The following ORC3 variants were observed in gnomAD, a reference collection of about 807,000 sequenced individuals.
ORC3 encodes the protein origin recognition complex subunit 3.
In ORC3, 78 loss-of-function variants were observed where a neutral mutation model predicts 100.7. That is an observed-to-expected ratio of 0.77 (90% confidence interval 0.65 to 0.94). ORC3 has a LOEUF of 0.94. Ranked by LOEUF, ORC3 falls within the 40% of genes least tolerant of loss-of-function variation. The pLI is 0.00. For missense variants in ORC3, 789 were observed against 823.9 expected (o/e 0.96, Z 0.52); for synonymous variants, 295 against 289.3 (o/e 1.02, Z -0.20).
downstream of ORC3, among the ~76,000 whole-genome samples, chr6:87,669,720 C>T (rs1582107283): frequency 6.6e-6 from 1 of 152,220 alleles, no homozygotes; most frequent in East Asian, 1.9e-4. Context: ...CTAGTCTTGC[C>T]TCCAACCATG....
Position 87,609,200 on chromosome 6 carries a change from A to G in ORC3, c.684A>G (p.Lys228=). ...ILKDMESFAT[K]VLQDFIIISS... Reference sequence around the variant, plus strand: ...AGGATATGGAAAGCTTTGCCACAAAAGTACTACAAGACTTCATAATTATCA... The same window carrying G: ...AGGATATGGAAAGCTTTGCCACAAAGGTACTACAAGACTTCATAATTATCA... The change falls in exon 7 of 20, where the codon AAA becomes AAG. Residue 228 remains lysine, a synonymous_variant. Coordinates refer to ENST00000392844, the MANE Select transcript of ORC3 (RefSeq NM_012381.4). The G allele has an allele frequency of 6.2e-7, 1 of 1,608,482 alleles. No individual in the cohort carries two copies.
At chr6:87,603,349 T>A in intron 3 of ORC3, 35 bp from the exon 4 acceptor site, 1 of 1,153,818 alleles carries the variant, frequency 8.7e-7, no homozygotes, top group Non-Finnish European at 1.2e-6. Flanking sequence ...GATTATTATT[T>A]CTAATAATAA....
chr6:87,666,280 T>C (rs189848318), intron 19 of ORC3, among the ~76,000 whole-genome samples: 3,504 of 151,882 alleles, frequency 0.023, 123 homozygotes, highest in African/African-American at 0.078. Context: ...TACAGGTGCC[T>C]GCCACCAAGC....
chr6:87,630,109 A>G (rs181979755), intron 11 of ORC3, among the ~76,000 whole-genome samples: 51 of 152,328 alleles, frequency 3.3e-4, no homozygotes, highest in Middle Eastern at 6.8e-3. Context: ...ACATCCAGCA[A>G]GACAAAATAT....
At chr6:87,633,256 GTAAT>G (rs1392973796) in intron 11 of ORC3, among the ~76,000 whole-genome samples, 1 of 152,122 alleles carries the variant, frequency 6.6e-6, no homozygotes, top group Non-Finnish European at 1.5e-5. Flanking sequence ...ACACATCAAG[GTAAT>G]TAATGGCTTT....
At chr6:87,602,972 C>CACATATATTTTATATATATATATATAT (rs1398124278) in intron 3 of ORC3, among the ~76,000 whole-genome samples, 1 of 62,874 alleles carries the variant, frequency 1.6e-5, no homozygotes, top group African/African-American at 5.4e-5. Flanking sequence ...TATATATATA[C>CACATATATTTTATATATATATATATAT]ATATATATAT....
In ORC3 at chr6:87,616,412, T is replaced by C. The variant is rs779842615; in HGVS notation, c.972T>C (p.Phe324=). Residue 324 remains phenylalanine, a synonymous_variant, in exon 9 of 20, where the codon TTT becomes TTC. Coordinates refer to ENST00000392844, the MANE Select transcript of ORC3 (RefSeq NM_012381.4). ...FLYHDFSVQN[F]IKGLQLSLLE... The stretch of plus-strand genomic sequence containing the variant: ...ATCATGATTTCTCAGTTCAAAACTT[T>C]ATAAAAGGACTTCAGGTAAGAACAC... The C allele has an allele frequency of 4.9e-6, 7 of 1,417,602 alleles. No homozygotes were observed. Among genetic ancestry groups the C allele is most frequent in the Non-Finnish European group, 7.0e-6 (7 of 1,002,310 alleles). 87.8% of individuals were successfully genotyped at this position (1,417,602 alleles called of 1,614,324 possible).
intron 13 of ORC3, among the ~76,000 whole-genome samples, chr6:87,644,893 TACTC>T (rs1768633680): frequency 6.6e-6 from 1 of 152,124 alleles, no homozygotes; most frequent in Non-Finnish European, 1.5e-5. Flanking sequence ...TATTTGAACT[TACTC>T]AAGTTGCTTC....
At chr6:87,662,124 A>G (rs1253209585) in intron 16 of ORC3, among the ~76,000 whole-genome samples, 1 of 152,116 alleles carries the variant, frequency 6.6e-6, no homozygotes, top group Non-Finnish European at 1.5e-5. Flanking sequence ...AAGTAATTCC[A>G]ATATATAAAA....
intron 2 of ORC3, among the ~76,000 whole-genome samples, chr6:87,597,752 C>G (rs1377430430): frequency 1.3e-5 from 2 of 151,300 alleles, no homozygotes; most frequent in African/African-American, 4.9e-5. Context: ...TGGGATCTTA[C>G]TATGTTGCCC....
the ORC3 span, among the ~76,000 whole-genome samples, chr6:87,676,230 C>T: frequency 2.0e-5 from 3 of 151,570 alleles, no homozygotes; most frequent in Non-Finnish European, 2.9e-5. Flanking sequence ...TCTGGGAGGC[C>T]GAGGCGGGCG....
Position 87,656,991 on chromosome 6 carries a change from ACT to A in ORC3, c.1593+14_1593+15del, listed in dbSNP as rs1769762890. The A allele has an allele frequency of 1.3e-6, 2 of 1,560,826 alleles. No individual in the cohort carries two copies. The highest frequency in any genetic ancestry group is 1.7e-4 in the Middle Eastern group (1 of 6,004). ...TCTATCATCTTCAGAAGGTCAGGTC[ACT>A]CTCTTCCCTTCCAGCTGCATCCTGT... On this transcript the variant is annotated intron_variant, in intron 15 of 19. Transcript: ENST00000392844.
At chr6:87,605,324 A>G (rs776563462) in intron 4 of ORC3, among the ~76,000 whole-genome samples, 11 of 152,296 alleles carry the variant, frequency 7.2e-5, no homozygotes, top group Non-Finnish European at 1.5e-4. Context: ...CTTGTTAGGA[A>G]TTTGACAAAG....
chr6:87,634,661 T>C (rs564855717), intron 11 of ORC3, among the ~76,000 whole-genome samples, 184 bp from the exon 12 acceptor site: 79 of 152,258 alleles, frequency 5.2e-4, no homozygotes, highest in Non-Finnish European at 1.0e-3. Flanking sequence ...CCAGACTTGA[T>C]ACTAAATCAG....
At chr6:87,649,687 G>C (rs752909333) in intron 13 of ORC3, among the ~76,000 whole-genome samples, 1 of 152,060 alleles carries the variant, frequency 6.6e-6, no homozygotes, top group East Asian at 1.9e-4. Flanking sequence ...CAGAGGTTGC[G>C]GTGAGCTGAG....
intron 13 of ORC3, among the ~76,000 whole-genome samples, chr6:87,640,351 A>G (rs1382074548): frequency 1.3e-5 from 2 of 152,324 alleles, no homozygotes; most frequent in Non-Finnish European, 2.9e-5. Flanking sequence ...TATCACAGTT[A>G]TTTTTTAAAT....
intron 1 of ORC3, among the ~76,000 whole-genome samples, chr6:87,593,134 C>A (rs1034508281): frequency 6.6e-6 from 1 of 152,026 alleles, no homozygotes; most frequent in Non-Finnish European, 1.5e-5. Flanking sequence ...ATAAGCTATC[C>A]ATCATGTATG....
chr6:87,608,540 C>CTATA (rs1326261956), intron 6 of ORC3, among the ~76,000 whole-genome samples: 1 of 152,154 alleles, frequency 6.6e-6, no homozygotes, highest in African/African-American at 2.4e-5. Context: ...TATATAGGGA[C>CTATA]TAAACTACGT....
chr6:87,590,335 T>C (rs1380880495), intron 1 of ORC3, 143 bp downstream of exon 1: 1 of 895,974 alleles, frequency 1.1e-6, no homozygotes, highest in Non-Finnish European at 1.8e-6. Context: ...GCGTCCTTGC[T>C]CCAGATCAGT....
Sources: gnomAD v4.1 joint callset for allele counts (sites outside exome capture counted in the v4.1 genomes callset) on GRCh38, gnomAD v4.1.1 for gene constraint, MANE v1.5 for transcripts, NCBI Gene and HGNC (gene_info 2026-07-23, HGNC 2026-07-21) for gene names.